Variants in CLEC16A observed in about 807,000 individuals in gnomAD.
The protein encoded by CLEC16A is protein CLEC16A.
In CLEC16A, 51 loss-of-function variants were observed where a neutral mutation model predicts 109.5. That is an observed-to-expected ratio of 0.47 (90% CI 0.37 to 0.59). The LOEUF (loss-of-function observed/expected upper bound fraction) is 0.59, where lower values mean the gene tolerates loss of function less well. Among genes scored for constraint, CLEC16A ranks in the 20% least tolerant of loss-of-function variants. The pLI is 0.00. For synonymous variants in CLEC16A, 673 were observed against 564.2 expected, an observed-to-expected ratio of 1.19 and a Z score of -2.73; for missense variants, 1,339 against 1,394.0, an observed-to-expected ratio of 0.96 and a Z score of 0.63.
At chr16:11,162,143 T>G (rs568011814) in intron 22 of CLEC16A, among the ~76,000 whole-genome samples, 114 of 152,368 alleles carry the variant, frequency 7.5e-4, no homozygotes, top group African/African-American at 2.7e-3. Flanking sequence ...CGTTATTCAT[T>G]AGTTCATCTT....
rs1385848421 is a variant in CLEC16A, at chr16:10,977,229, C to G, written c.733C>G (p.Arg245Gly). The G allele has an allele frequency of 6.2e-7, 1 of 1,613,276 alleles. No individual in the cohort carries two copies. The highest frequency in any genetic ancestry group is 8.5e-7 in the Non-Finnish European group (1 of 1,179,556). ...DDCVQTDEEH[R>G]NRGKLSDLVA... ...GGTGGTCATTTCTCCTGGCAGGCAT[C>G]GGAATCGGGGTAAACTGAGTGATCT... Residue 245 changes from arginine to glycine, a missense_variant, in exon 8 of 24, where the codon CGG becomes GGG. Transcript: ENST00000409790.
At chr16:11,086,016 AAGTAATAGCCG>A (rs1283864751) in intron 19 of CLEC16A, among the ~76,000 whole-genome samples, 3 of 152,076 alleles carry the variant, frequency 2.0e-5, no homozygotes, top group Non-Finnish European at 4.4e-5. Flanking sequence ...GGAGAATCCT[AAGTAATAGCCG>A]CTTCACAGGG....
At chr16:11,062,277 G>A (rs1273704830) in intron 19 of CLEC16A, among the ~76,000 whole-genome samples, 1 of 152,128 alleles carries the variant, frequency 6.6e-6, no homozygotes, top group African/African-American at 2.4e-5. Flanking sequence ...CTGTAGCACT[G>A]TTGTTGCTGT....
rs1186685101 is a variant in CLEC16A at position 11,174,240 on chromosome 16, C to A, written c.2807-4095C>A. On this transcript the variant is annotated intron_variant, in intron 23 of 23. Coordinates refer to ENST00000409790, the MANE Select transcript of CLEC16A (RefSeq NM_015226.3). The surrounding 1 kb of genome is among the most constrained non-coding windows in gnomAD (Gnocchi z 4.7). ...CGGCCACTGGGTTTAGTGCTCCGAA[C>A]GGCAGCTGCCACGGCACCTCACGCA... 2 of 467,390 alleles carry A rather than the reference C, an allele frequency of 4.3e-6. No individual in the cohort carries two copies. The highest frequency in any genetic ancestry group is 8.8e-6 in the Non-Finnish European group (2 of 226,918). 29.0% of individuals were successfully genotyped at this position (467,390 alleles called of 1,614,324 possible). A position where few individuals can be genotyped will look rare whatever the true frequency, so the allele number is the denominator to read the frequency against.
chr16:11,038,783 T>C lies in CLEC16A; in HGVS notation c.1538-971T>C, dbSNP rs555115218. 5.3e-5 allele frequency among the ~76,000 whole-genome samples: 8 copies of C among 152,234 alleles called. No individual in the cohort carries two copies. In the East Asian group the frequency reaches 1.6e-3, roughly 30 times the overall value. On this transcript the variant is annotated intron_variant, in intron 13 of 23. Transcript: ENST00000409790. ...CACAAAAGTAATTGCGGTGTTCCAATTGCTTTTAATGGCAAAAACTGCAAT... is the reference window on the plus strand; with the variant it reads ...CACAAAAGTAATTGCGGTGTTCCAACTGCTTTTAATGGCAAAAACTGCAAT...
At chr16:11,166,576 T>C (rs1233735589) in intron 23 of CLEC16A, 24 bp downstream of exon 23, 2 of 1,550,624 alleles carry the variant, frequency 1.3e-6, no homozygotes, top group East Asian at 2.4e-5. Flanking sequence ...GACTCAGTGA[T>C]ATGGGGACAT....
chr16:10,985,841 G>A (rs2043613117), intron 10 of CLEC16A, among the ~76,000 whole-genome samples: 1 of 120,082 alleles, frequency 8.3e-6, no homozygotes, highest in Non-Finnish European at 1.8e-5. Flanking sequence ...AAGTAGCTGG[G>A]ATTACAGGCA....
intron 18 of CLEC16A, among the ~76,000 whole-genome samples, chr16:11,058,807 A>C (rs542270802): frequency 6.6e-6 from 1 of 152,310 alleles, no homozygotes; most frequent in African/African-American, 2.4e-5. Context: ...CTGGTCCTGC[A>C]TGAGTTATTT....
At chr16:11,062,918 G>A (rs953654811) in intron 19 of CLEC16A, among the ~76,000 whole-genome samples, 1 of 151,894 alleles carries the variant, frequency 6.6e-6, no homozygotes, top group Non-Finnish European at 1.5e-5. Flanking sequence ...CAGTGGGGAG[G>A]GGGCACTTCA....
chr16:10,946,236 G>T (rs925286801), intron 1 of CLEC16A, among the ~76,000 whole-genome samples: 7 of 152,346 alleles, frequency 4.6e-5, no homozygotes, highest in African/African-American at 1.4e-4. Context: ...GGAAGTAGTG[G>T]AAGGGAGACG....
At chr16:11,027,422 A>T (rs1448792583) in intron 13 of CLEC16A, 2 of 1,474,024 alleles carry the variant, frequency 1.4e-6, no homozygotes, top group African/African-American at 2.7e-5. Context: ...TGCTGCGTAT[A>T]GTGGAAACTT....
intron 14 of CLEC16A, chr16:11,040,307 T>A (rs2047253302): frequency 5.9e-6 from 1 of 169,788 alleles, no homozygotes; most frequent in Non-Finnish European, 1.3e-5. Context: ...CAGTTGTGGG[T>A]AGGTATGGAA....
intron 22 of CLEC16A, among the ~76,000 whole-genome samples, chr16:11,154,248 A>G (rs549065876): frequency 1.8e-4 from 28 of 152,380 alleles, no homozygotes; most frequent in Non-Finnish European, 2.4e-4. Context: ...AGATTGAACC[A>G]TATGAAATGG....
chr16:11,040,676 C>G (rs2047285513), intron 14 of CLEC16A: 1 of 151,864 alleles, frequency 6.6e-6, no homozygotes, highest in Non-Finnish European at 1.5e-5. Flanking sequence ...CCACACCCAG[C>G]TATTTTTTTG....
At chr16:11,098,663 G>C (rs1025478971) in intron 19 of CLEC16A, among the ~76,000 whole-genome samples, 1 of 152,226 alleles carries the variant, frequency 6.6e-6, no homozygotes, top group African/African-American at 2.4e-5. Context: ...CCAGTACCGG[G>C]TGCCCCAGGC....
chr16:10,953,332 C>T (rs987372915), intron 1 of CLEC16A, among the ~76,000 whole-genome samples: 2 of 152,208 alleles, frequency 1.3e-5, no homozygotes, highest in African/African-American at 4.8e-5. Flanking sequence ...TATAGAAAAA[C>T]TTAATTTTGG....
At chr16:11,033,996 T>G (rs1394629062) in intron 13 of CLEC16A, among the ~76,000 whole-genome samples, 1 of 152,224 alleles carries the variant, frequency 6.6e-6, no homozygotes, top group Admixed American at 6.5e-5. Context: ...GTGACCAACC[T>G]TCTACTCCTG....
Position 10,964,224 on chromosome 16 carries a change from C to T in CLEC16A, c.343+1636C>T, listed in dbSNP as rs2042393573. 2.6e-5 allele frequency among the ~76,000 whole-genome samples: 4 copies of T among 152,348 alleles called. No homozygotes were observed. In the South Asian group the frequency reaches 8.3e-4, roughly 32 times the overall value. ...GGTGGTGCTGCTGCCTCAGAGACGC[C>T]TTATGCTTCCCGGTGACCGCAAGTT... On this transcript the variant is annotated intron_variant, in intron 3 of 23. Transcript: ENST00000409790.
At chr16:11,050,275 C>T (rs1285113892) in intron 17 of CLEC16A, among the ~76,000 whole-genome samples, 1 of 152,224 alleles carries the variant, frequency 6.6e-6, no homozygotes, top group African/African-American at 2.4e-5. Context: ...TTGTTAGGCC[C>T]TACCTCTCAG....
Sources: gnomAD v4.1 joint callset for allele counts (sites outside exome capture counted in the v4.1 genomes callset) on GRCh38, gnomAD v4.1.1 for gene constraint, Gnocchi (gnomAD v3.1) non-coding constraint, MANE v1.5 for transcripts, NCBI Gene and HGNC (gene_info 2026-07-23, HGNC 2026-07-21) for gene names.